LIPC: variants seen among roughly 807,000 people sequenced by gnomAD.
LIPC encodes the protein hepatic triacylglycerol lipase.
LIPC carries 44 observed loss-of-function variants against 50.7 expected under a neutral mutation model. The observed-to-expected ratio is 0.87, with a 90% confidence interval of 0.68 to 1.11. LIPC has a LOEUF of 1.11. LIPC is among the 50% of genes most tolerant of loss of function. The pLI, the probability that LIPC is intolerant of heterozygous loss-of-function variation, is 0.00. For missense variants in LIPC, 697 were observed against 648.2 expected (o/e 1.08, Z -0.82); for synonymous variants, 271 against 256.4 (o/e 1.06, Z -0.54).
intron 1 of LIPC, among the ~76,000 whole-genome samples, chr15:58,535,738 T>G (rs1893096055): frequency 6.6e-6 from 1 of 152,372 alleles, no homozygotes; most frequent in South Asian, 2.1e-4. Context: ...TGTTCTGAGC[T>G]CTTTACAAAT....
intron 1 of LIPC, among the ~76,000 whole-genome samples, chr15:58,487,937 G>A (rs1483338889): frequency 6.6e-6 from 1 of 152,160 alleles, no homozygotes; most frequent in East Asian, 1.9e-4. Context: ...CATATGGCCT[G>A]GGGCAAGCCA....
At chr15:58,440,866 A>G (rs1209501052) in intron 1 of LIPC, among the ~76,000 whole-genome samples, 10 of 152,246 alleles carry the variant, frequency 6.6e-5, no homozygotes, top group African/African-American at 1.9e-4. Context: ...TGGAAAAGGG[A>G]GAGTGAAGTT....
intron 1 of LIPC, among the ~76,000 whole-genome samples, chr15:58,475,142 G>T (rs1210731503): frequency 1.3e-5 from 2 of 152,100 alleles, no homozygotes; most frequent in Non-Finnish European, 2.9e-5. Context: ...AGTCCAGCTG[G>T]CTTTTTCTCC....
intron 1 of LIPC, among the ~76,000 whole-genome samples, chr15:58,511,361 C>T (rs778559116): frequency 1.3e-5 from 2 of 152,110 alleles, no homozygotes; most frequent in Non-Finnish European, 2.9e-5. Flanking sequence ...AAGGCCCTAA[C>T]GCAAGGAGAT....
chr15:58,462,424 T>C (rs937063026), intron 1 of LIPC, among the ~76,000 whole-genome samples: 9 of 152,250 alleles, frequency 5.9e-5, no homozygotes, highest in African/African-American at 1.9e-4. Flanking sequence ...TTAGTGTTTA[T>C]GATAAAGGCT....
At chr15:58,544,386 T>G (rs577699960) in intron 4 of LIPC, among the ~76,000 whole-genome samples, 6 of 112,356 alleles carry the variant, frequency 5.3e-5, no homozygotes, top group African/African-American at 1.9e-4. Flanking sequence ...CATTTTTCTT[T>G]TTCTCTTTCT....
intron 1 of LIPC, among the ~76,000 whole-genome samples, chr15:58,467,828 C>G (rs1180130541): frequency 6.6e-6 from 1 of 152,210 alleles, no homozygotes; most frequent in Non-Finnish European, 1.5e-5. Context: ...AAAACCACAG[C>G]TAAAAGTTGT....
chr15:58,529,405 C>G (rs1892893377), intron 1 of LIPC, among the ~76,000 whole-genome samples: 1 of 152,202 alleles, frequency 6.6e-6, no homozygotes, highest in South Asian at 2.1e-4. Context: ...GAGAATGACA[C>G]CAGCAGACAG....
intron 1 of LIPC, among the ~76,000 whole-genome samples, chr15:58,475,188 C>T (rs193175147): frequency 1.9e-4 from 29 of 152,316 alleles, no homozygotes; most frequent in Admixed American, 7.2e-4. Context: ...GGCTCCCCTC[C>T]ATTGCCACTG....
At chr15:58,472,270 CAAAAAAAAAAAAAA>C (rs35901617) in intron 1 of LIPC, among the ~76,000 whole-genome samples, 2 of 87,650 alleles carry the variant, frequency 2.3e-5, no homozygotes, top group African/African-American at 4.8e-5. Flanking sequence ...CATTTGGTCT[CAAAAAAAAAAAAAA>C]AAAAAAAAAG....
chr15:58,502,447 C>T (rs1354753235), intron 1 of LIPC, among the ~76,000 whole-genome samples: 1 of 151,926 alleles, frequency 6.6e-6, no homozygotes, highest in Non-Finnish European at 1.5e-5. Flanking sequence ...TGTCGCATCC[C>T]TACTTAGCTC....
Position 58,484,175 on chromosome 15 carries a change from T to C in LIPC, c.88+52055T>C, listed in dbSNP as rs189273801. 1.2e-4 allele frequency among the ~76,000 whole-genome samples: 17 copies of C among 144,480 alleles called. No individual in the cohort carries two copies. In the South Asian group the frequency reaches 1.3e-3, roughly 11 times the overall value. 94.8% of individuals were successfully genotyped at this position (144,480 alleles called of 152,430 possible). ...CAGGCCTGTCTCTGATACCTGGTTA[T>C]AGCAAGGCTGTCCTTGGCATTTCAC... On this transcript the variant is annotated intron_variant, in intron 1 of 8. Transcript: ENST00000299022.
chr15:58,469,933 A>ATTT lies in LIPC; in HGVS notation c.88+37828_88+37830dup, dbSNP rs11369488. Among the ~76,000 whole-genome samples the ATTT allele has an allele frequency of 5.5e-3, 765 of 138,352 alleles. 10 individuals are homozygous for ATTT. Among genetic ancestry groups the ATTT allele is most frequent in the African/African-American group, 0.012 (430 of 36,950 alleles). The allele number at this position is 138,352 out of a possible 152,430, so 90.8% of individuals were successfully genotyped here. A position where few individuals can be genotyped will look rare whatever the true frequency, so the allele number is the denominator to read the frequency against. On this transcript the variant is annotated intron_variant, in intron 1 of 8. Coordinates refer to ENST00000299022, the MANE Select transcript of LIPC (RefSeq NM_000236.3). ...CCATCACCTTCCTCATCTTCATGGA[A>ATTT]TTTTTTTTTTTTTTTTTGAGACAAG...
At chr15:58,471,282 A>T (rs1446813603) in intron 1 of LIPC, among the ~76,000 whole-genome samples, 1 of 135,878 alleles carries the variant, frequency 7.4e-6, no homozygotes, top group Admixed American at 7.8e-5. Context: ...GATTACAGGC[A>T]CTCGCCACCA....
At chr15:58,508,492 T>A (rs956200698) in intron 1 of LIPC, among the ~76,000 whole-genome samples, 3 of 152,188 alleles carry the variant, frequency 2.0e-5, no homozygotes, top group African/African-American at 7.2e-5. Context: ...ACCCACATAC[T>A]TTGATAAAAT....
rs1893218306 is a variant in LIPC, at chr15:58,538,513, G to A, written c.269G>A (p.Trp90Ter). 4 of 1,613,990 alleles carry A rather than the reference G, an allele frequency of 2.5e-6. No homozygotes were observed. The East Asian group carries it at 6.7e-5, about 27-fold the overall frequency. ...CCTCTGGTGATGATAATCCACGGGT[G>A]GTCGGTAGGAAATGCTGACATGCCG... ...SLPLVMIIHG[W>*]SVDGVLENWI... Residue 90 changes from tryptophan to a stop codon, truncating the protein, a stop_gained, in exon 2 of 9, where the codon TGG becomes TAG. Transcript: ENST00000299022. LOFTEE classifies it high-confidence loss of function.
chr15:58,502,956 T>TAAAA (rs11449666), intron 1 of LIPC, among the ~76,000 whole-genome samples: 2 of 140,520 alleles, frequency 1.4e-5, no homozygotes, highest in African/African-American at 5.3e-5. Flanking sequence ...AAACATTGTT[T>TAAAA]AAAAAAAAAA....
intron 1 of LIPC, among the ~76,000 whole-genome samples, chr15:58,533,814 AT>A (rs1197468202): frequency 1.3e-5 from 2 of 152,176 alleles, no homozygotes; most frequent in African/African-American, 2.4e-5. Context: ...AATATTCTTT[AT>A]TTTTTCAGCA....
chr15:58,490,942 C>T (rs1359079835), intron 1 of LIPC, among the ~76,000 whole-genome samples: 2 of 152,164 alleles, frequency 1.3e-5, no homozygotes, highest in African/African-American at 2.4e-5. Flanking sequence ...CAGCTCACCT[C>T]CTAAGGAAAG....
Sources: gnomAD v4.1 joint callset for allele counts (sites outside exome capture counted in the v4.1 genomes callset) on GRCh38, gnomAD v4.1.1 for gene constraint, MANE v1.5 for transcripts, NCBI Gene and HGNC (gene_info 2026-07-23, HGNC 2026-07-21) for gene names.